PHTF2: variants seen among roughly 807,000 people sequenced by gnomAD.
The protein encoded by PHTF2 is putative homeodomain transcription factor 2.
Under a neutral mutation model 101.2 loss-of-function variants are expected in PHTF2, and 60 were observed. That is an observed-to-expected ratio of 0.59 (90% confidence interval 0.48 to 0.73). The LOEUF is 0.73. PHTF2 is among the 30% of genes least tolerant of loss of function. The probability of loss-of-function intolerance (pLI) is 0.00; values close to 1 mark genes in which losing one functional copy is unlikely to be tolerated. For missense variants in PHTF2, 747 were observed against 908.7 expected, an observed-to-expected ratio of 0.82 and a Z score of 2.29; for synonymous variants, 311 against 307.3, an observed-to-expected ratio of 1.01 and a Z score of -0.13.
chr7:77,822,427 G>A (rs1185122880), intron 1 of PHTF2, among the ~76,000 whole-genome samples: 1 of 152,104 alleles, frequency 6.6e-6, no homozygotes, highest in Non-Finnish European at 1.5e-5. Context: ...TGCTGCAGCA[G>A]CTTTTCTCAC....
At chr7:77,920,915 A>G (rs1803401012) in intron 10 of PHTF2, among the ~76,000 whole-genome samples, 1 of 151,914 alleles carries the variant, frequency 6.6e-6, no homozygotes, top group East Asian at 1.9e-4. Flanking sequence ...GAACTTCTGG[A>G]CTCAAGCAGT....
At chr7:77,844,533 G>GT (rs931770266) in intron 2 of PHTF2, among the ~76,000 whole-genome samples, 1 of 152,090 alleles carries the variant, frequency 6.6e-6, no homozygotes. Flanking sequence ...CTTTTGTTTT[G>GT]TTTTTTTGTT....
intron 3 of PHTF2, among the ~76,000 whole-genome samples, chr7:77,880,933 C>T (rs1562907261): frequency 6.6e-6 from 1 of 152,158 alleles, no homozygotes; most frequent in African/African-American, 2.4e-5. Flanking sequence ...AGGAAAAATA[C>T]AAACATAACC....
At chr7:77,953,441 C>T (rs188604374) in intron 18 of PHTF2, among the ~76,000 whole-genome samples, 68 of 152,186 alleles carry the variant, frequency 4.5e-4, no homozygotes, top group Non-Finnish European at 8.4e-4. Flanking sequence ...ATTGTTCTAC[C>T]GAAAGGTATT....
chr7:77,863,055 G>T (rs1797772093), intron 3 of PHTF2, among the ~76,000 whole-genome samples: 2 of 152,178 alleles, frequency 1.3e-5, no homozygotes, highest in African/African-American at 4.8e-5. Context: ...ATAAAATGCT[G>T]AAGATATACA....
At position 77,929,337 on chromosome 7, in the gene PHTF2, T is replaced by G; in HGVS notation, c.1338+10T>G. Reference sequence around the variant, plus strand: ...TGACCCTTTTCATCAGGTTGGTTTATGGTTTTGGCTTATGTGGAGCTATGA... The same window carrying G: ...TGACCCTTTTCATCAGGTTGGTTTAGGGTTTTGGCTTATGTGGAGCTATGA... On this transcript the variant is annotated intron_variant, in intron 12 of 19. Coordinates refer to ENST00000416283, the Ensembl canonical transcript of PHTF2. The G allele has an allele frequency of 6.9e-7, 1 of 1,458,496 alleles. No homozygotes were observed. Among genetic ancestry groups the G allele is most frequent in the Non-Finnish European group, 9.6e-7 (1 of 1,041,662 alleles). 90.3% of individuals were successfully genotyped at this position (1,458,496 alleles called of 1,614,324 possible).
intron 11 of PHTF2, among the ~76,000 whole-genome samples, chr7:77,924,396 A>G (rs1313227158): frequency 3.3e-5 from 5 of 152,274 alleles, no homozygotes; most frequent in Admixed American, 2.6e-4. Context: ...CAAAAACAAA[A>G]CAACTTCTTG....
In PHTF2 at chr7:77,893,091, A is replaced by T. The variant is rs990572693; in HGVS notation, c.148-517A>T. On this transcript the variant is annotated intron_variant, in intron 3 of 19. Transcript: ENST00000416283. ...CATCAGAATCATCAAGAGGGATTTT[A>T]AAAAGTTTTTTAATTTTTATTTTAG... 4.6e-5 allele frequency among the ~76,000 whole-genome samples: 7 copies of T among 152,204 alleles called. 1 individual carries two copies. The highest frequency in any genetic ancestry group is 7.4e-5 in the Non-Finnish European group (5 of 68,022).
At chr7:77,940,429 G>A (rs897669446) in intron 14 of PHTF2, 99 bp from the exon 14 acceptor site, 2 of 1,288,574 alleles carry the variant, frequency 1.6e-6, no homozygotes, top group East Asian at 2.5e-5. Flanking sequence ...TGCTTTTATA[G>A]TACCTAACCA....
At chr7:77,898,984 T>G (rs578029718) in intron 5 of PHTF2, among the ~76,000 whole-genome samples, 3 of 152,166 alleles carry the variant, frequency 2.0e-5, no homozygotes, top group Non-Finnish European at 4.4e-5. Flanking sequence ...GTATTTTTAG[T>G]AGAGACGGGG....
At chr7:77,877,355 G>A (rs1279413669) in intron 3 of PHTF2, among the ~76,000 whole-genome samples, 1 of 151,906 alleles carries the variant, frequency 6.6e-6, no homozygotes, top group Non-Finnish European at 1.5e-5. Flanking sequence ...CCCCGCTCTC[G>A]GCCTCCCAAA....
intron 11 of PHTF2, chr7:77,923,725 T>C (rs1012048380): frequency 3.0e-6 from 3 of 985,058 alleles, no homozygotes; most frequent in Non-Finnish European, 3.6e-6. Context: ...TCTTACTGTA[T>C]GTACTGTTAG....
intron 11 of PHTF2, chr7:77,923,455 A>G: frequency 1.0e-6 from 1 of 985,342 alleles, no homozygotes; most frequent in Non-Finnish European, 1.2e-6. Context: ...TTAAACTTGT[A>G]AAACAAACAC....
intron 3 of PHTF2, among the ~76,000 whole-genome samples, chr7:77,889,230 T>C (rs990937174): frequency 2.0e-5 from 3 of 152,212 alleles, no homozygotes. Context: ...ACAGGGGGTC[T>C]GATCTACTAT....
At chr7:77,808,715 A>G (rs1035503917) in intron 1 of PHTF2, among the ~76,000 whole-genome samples, 16 of 152,174 alleles carry the variant, frequency 1.1e-4, no homozygotes, top group South Asian at 4.1e-4. Context: ...TGGTATCTCA[A>G]TACTCAAATC....
Position 77,942,680 on chromosome 7 carries a change from C to T in PHTF2, c.1873-20C>T. The stretch of plus-strand genomic sequence containing the variant: ...TATTTTAAAATGTTTCCTTTTCTCC[C>T]TTCCACCCACACCCTGCAGCGTCGA... On this transcript the variant is annotated intron_variant, in intron 15 of 19. Transcript: ENST00000416283. 6.9e-7 allele frequency: 1 copy of T among 1,453,616 alleles called. No individual in the cohort carries two copies. The highest frequency in any genetic ancestry group is 1.2e-5 in the South Asian group (1 of 80,304). The allele number at this position is 1,453,616 out of a possible 1,614,324, so 90.0% of individuals were successfully genotyped here.
At chr7:77,922,500 G>A in intron 10 of PHTF2, 123 bp from the exon 10 acceptor site, 1 of 583,754 alleles carries the variant, frequency 1.7e-6, no homozygotes, top group Non-Finnish European at 2.8e-6. Context: ...GTTACTTTGT[G>A]GTAGTTGAGG....
chr7:77,895,563 C>T (rs1800804597), intron 5 of PHTF2, among the ~76,000 whole-genome samples: 1 of 152,044 alleles, frequency 6.6e-6, no homozygotes, highest in Admixed American at 6.6e-5. Context: ...CAGGTTGACA[C>T]ATTTGGAATT....
chr7:77,947,291 G>T (rs1452709597), intron 16 of PHTF2, among the ~76,000 whole-genome samples: 7 of 152,206 alleles, frequency 4.6e-5, no homozygotes, highest in African/African-American at 1.7e-4. Context: ...GCTGAGCGCG[G>T]TGGCTCACGC....
Sources: gnomAD v4.1 joint callset for allele counts (sites outside exome capture counted in the v4.1 genomes callset) on GRCh38, gnomAD v4.1.1 for gene constraint, MANE v1.5 for transcripts, NCBI Gene and HGNC (gene_info 2026-07-23, HGNC 2026-07-21) for gene names.